TMC5: variants seen among roughly 807,000 people sequenced by gnomAD.
The protein encoded by TMC5 is transmembrane channel like 5.
Under a neutral mutation model 110.5 loss-of-function variants are expected in TMC5, and 86 were observed. That is an observed-to-expected ratio of 0.78 (90% CI 0.65 to 0.93). The LOEUF (loss-of-function observed/expected upper bound fraction) is 0.93. TMC5 is among the 40% of genes least tolerant of loss of function. The pLI, the probability that TMC5 is intolerant of heterozygous loss-of-function variation, is 0.00. For missense variants in TMC5, 1,144 were observed against 1,222.8 expected (o/e 0.94, Z 0.96); for synonymous variants, 455 against 439.5 (o/e 1.04, Z -0.44).
At chr16:19,422,169 T>G (rs1382424138) in intron 1 of TMC5, among the ~76,000 whole-genome samples, 1 of 150,828 alleles carries the variant, frequency 6.6e-6, no homozygotes, top group Non-Finnish European at 1.5e-5. Flanking sequence ...AGGTGGAGGT[T>G]GCAGTGAGCC....
At chr16:19,434,028 CTATATATTA>C (rs1567300180) in intron 2 of TMC5, among the ~76,000 whole-genome samples, 3 of 5,640 alleles carry the variant, frequency 5.3e-4, no homozygotes, top group African/African-American at 1.0e-3. Context: ...ATATATAAAT[CTATATATTA>C]TATATATAAT....
chr16:19,472,308 G>T, intron 11 of TMC5, 65 bp downstream of exon 11: 2 of 1,576,414 alleles, frequency 1.3e-6, no homozygotes, highest in Non-Finnish European at 8.7e-7. Flanking sequence ...GGAGGGGAAG[G>T]GTGGTGTGCA....
At chr16:19,439,673 A>T (rs1011074310) in intron 2 of TMC5, among the ~76,000 whole-genome samples, 9 of 152,274 alleles carry the variant, frequency 5.9e-5, no homozygotes, top group African/African-American at 2.2e-4. Context: ...GTGCACCGTC[A>T]TTTCCGCATT....
chr16:19,469,561 T>C, intron 9 of TMC5, 120 bp from the exon 10 acceptor site: 1 of 1,266,174 alleles, frequency 7.9e-7, no homozygotes, highest in African/African-American at 1.5e-5. Context: ...GCCAACAGCT[T>C]GGGGCTAAGT....
intron 2 of TMC5, among the ~76,000 whole-genome samples, chr16:19,436,851 C>T (rs1967360879): frequency 1.3e-5 from 2 of 152,172 alleles, no homozygotes; most frequent in Admixed American, 1.3e-4. Flanking sequence ...AGGCCCTTCT[C>T]TACTGGTGAC....
intron 4 of TMC5, among the ~76,000 whole-genome samples, chr16:19,446,560 A>G (rs1967619450): frequency 6.6e-6 from 1 of 152,248 alleles, no homozygotes. Context: ...ACTGCCTTTC[A>G]GGCAGGCACT....
intron 2 of TMC5, among the ~76,000 whole-genome samples, chr16:19,433,670 G>A (rs1458741661): frequency 6.9e-6 from 1 of 144,188 alleles, no homozygotes; most frequent in Non-Finnish European, 1.5e-5. Context: ...CACACATAGT[G>A]AGTATTAGAT....
intron 5 of TMC5, among the ~76,000 whole-genome samples, chr16:19,453,525 G>T (rs1241433904): frequency 1.3e-5 from 2 of 151,738 alleles, no homozygotes; most frequent in East Asian, 1.9e-4. Context: ...GGAGGCGGAG[G>T]TTGCCGTGAG....
Position 19,464,032 on chromosome 16 carries a change from C to T in TMC5, c.1485+8C>T, listed in dbSNP as rs1213603945. On this transcript the variant is annotated splice_region_variant and intron_variant, in intron 8 of 21. Coordinates refer to ENST00000542583, the MANE Select transcript of TMC5 (RefSeq NM_001261841.2). ...GAGTTTTTCACTGGGGTGGTAAGTC[C>T]TCCACTTCCCCTACCCCAAGTGCAC... The T allele has an allele frequency of 6.2e-7, 1 of 1,612,652 alleles. No individual in the cohort carries two copies.
intron 4 of TMC5, among the ~76,000 whole-genome samples, chr16:19,449,339 G>A (rs931374594): frequency 2.0e-5 from 3 of 152,138 alleles, no homozygotes; most frequent in African/African-American, 7.2e-5. Context: ...GATCTAGGCT[G>A]ATTATATTTA....
rs74013763 is a variant in TMC5, at chr16:19,421,020, C to T, written c.-308+2928C>T. The stretch of plus-strand genomic sequence containing the variant: ...TCCAAGAAAATGGTTTAGGTCACCC[C>T]AAGAATTGTCATTCCTGAGGTGAGA... On this transcript the variant is annotated intron_variant, in intron 1 of 21. Coordinates refer to ENST00000542583, the MANE Select transcript of TMC5 (RefSeq NM_001261841.2). Among the ~76,000 whole-genome samples the T allele has an allele frequency of 4.5e-3, 662 of 148,684 alleles. 6 individuals are homozygous for T. The highest frequency in any genetic ancestry group is 0.015 in the African/African-American group (621 of 40,302).
Position 19,440,386 on chromosome 16 carries a change from T to C in TMC5, c.348T>C (p.His116=). 1 of 1,613,982 alleles carries C rather than the reference T, an allele frequency of 6.2e-7. No homozygotes were observed. Among genetic ancestry groups the C allele is most frequent in the South Asian group, 1.1e-5 (1 of 91,062 alleles). The change falls in exon 3 of 22, where the codon CAT becomes CAC. Residue 116 remains histidine, a synonymous_variant. Transcript: ENST00000542583. The part of the protein sequence containing the change: ...PEPDYSEFQS[H]PYHRASSRQP... ...CAGATTATAGTGAATTTCAGAGTCA[T>C]CCCTACCACCGAGCATCATCCAGAC... is the stretch of plus-strand genomic sequence containing the variant.
chr16:19,454,102 G>A (rs1567308807), intron 5 of TMC5, among the ~76,000 whole-genome samples: 1 of 152,034 alleles, frequency 6.6e-6, no homozygotes, highest in Admixed American at 6.6e-5. Context: ...GGCTGGAGTG[G>A]AGTGGAGTGA....
In TMC5 at chr16:19,475,290, C is replaced by A. The variant is rs144937161; in HGVS notation, c.2090+1014C>A. 1.6e-4 allele frequency among the ~76,000 whole-genome samples: 25 copies of A among 152,128 alleles called. 2 individuals are homozygous for A. In the East Asian group the frequency reaches 4.8e-3, roughly 29 times the overall value. On this transcript the variant is annotated intron_variant, in intron 12 of 21. Coordinates refer to ENST00000542583, the MANE Select transcript of TMC5 (RefSeq NM_001261841.2). ...TACAAAAATTAGCTGGGCTTGGTGA[C>A]GCATGTCTGTAATCCCAGCTACTTG...
chr16:19,468,431 G>C (rs1021447337), intron 9 of TMC5, among the ~76,000 whole-genome samples: 1 of 152,104 alleles, frequency 6.6e-6, no homozygotes, highest in African/African-American at 2.4e-5. Flanking sequence ...GCTTGCTGCT[G>C]TAAGCACTGC....
intron 1 of TMC5, among the ~76,000 whole-genome samples, chr16:19,427,187 C>A (rs1445970009): frequency 6.6e-6 from 1 of 152,218 alleles, no homozygotes; most frequent in Non-Finnish European, 1.5e-5. Flanking sequence ...GGCACAATGG[C>A]TCACACCTGT....
rs144966031 is a variant in TMC5, at chr16:19,481,385, A to C, written c.2283A>C (p.Gln761His). Residue 761 changes from glutamine to histidine, a missense_variant, in exon 15 of 22, where the codon CAA becomes CAC. Physicochemically the swap from Gln to His is conservative, Grantham distance 24 (BLOSUM62 0). Coordinates refer to ENST00000542583, the MANE Select transcript of TMC5 (RefSeq NM_001261841.2). ...GEFLRRIIGM[Q>H]LITSLGLQEF... Reference sequence around the variant, plus strand: ...GTTTTCACAGAATCATTGGGATGCAACTGATCACAAGTCTTGGCCTTCAGG... The same window carrying C: ...GTTTTCACAGAATCATTGGGATGCACCTGATCACAAGTCTTGGCCTTCAGG... 13 of 1,613,500 alleles carry C rather than the reference A, an allele frequency of 8.1e-6. No homozygotes were observed. The South Asian group carries it at 1.4e-4, about 18-fold the overall frequency.
chr16:19,497,815 GA>G (rs1227727529), intron 21 of TMC5, 104 bp from the exon 22 acceptor site: 1 of 967,998 alleles, frequency 1.0e-6, no homozygotes, highest in African/African-American at 1.7e-5. Flanking sequence ...AAGAGGCAAA[GA>G]AGGCATGAGA....
At chr16:19,438,416 G>GAAA (rs1250258001) in intron 2 of TMC5, among the ~76,000 whole-genome samples, 1 of 28,898 alleles carries the variant, frequency 3.5e-5, no homozygotes, top group East Asian at 1.7e-3. Context: ...AAAGAAGAAA[G>GAAA]AAAAGAAAAA....
Sources: gnomAD v4.1 joint callset for allele counts (sites outside exome capture counted in the v4.1 genomes callset) on GRCh38, gnomAD v4.1.1 for gene constraint, MANE v1.5 for transcripts, NCBI Gene and HGNC (gene_info 2026-07-23, HGNC 2026-07-21) for gene names.